Variants in PARN observed in about 807,000 individuals in gnomAD.
PARN encodes poly(A)-specific ribonuclease PARN.
Under a neutral mutation model 102.8 loss-of-function variants are expected in PARN, and 71 were observed. The observed-to-expected ratio is 0.69, with a 90% CI of 0.57 to 0.84. PARN has a LOEUF of 0.84. PARN is among the 40% of genes least tolerant of loss of function. The probability of loss-of-function intolerance (pLI) is 0.00; values close to 1 mark genes in which losing one functional copy is unlikely to be tolerated. For missense variants in PARN, 782 were observed against 760.9 expected (o/e 1.03, Z -0.33); for synonymous variants, 261 against 252.9 (o/e 1.03, Z -0.30).
chr16:14,476,500 G>C (rs1028471823), intron 22 of PARN, among the ~76,000 whole-genome samples: 1 of 152,138 alleles, frequency 6.6e-6, no homozygotes, highest in Non-Finnish European at 1.5e-5. Flanking sequence ...ACCCACCTTT[G>C]CCATGGTAAC....
At chr16:14,509,030 TAA>T (rs1200321470) in intron 21 of PARN, among the ~76,000 whole-genome samples, 1 of 151,910 alleles carries the variant, frequency 6.6e-6, no homozygotes, top group Non-Finnish European at 1.5e-5. Context: ...TATAAATAAA[TAA>T]AATTATTCTG....
At chr16:14,600,260 G>T (rs1162950689) in intron 11 of PARN, among the ~76,000 whole-genome samples, 1 of 152,118 alleles carries the variant, frequency 6.6e-6, no homozygotes, top group Non-Finnish European at 1.5e-5. Context: ...AGTCTTTCAA[G>T]GTGTCTTAAA....
chr16:14,543,717 CAG>C (rs1157864583), intron 21 of PARN, among the ~76,000 whole-genome samples: 1 of 152,064 alleles, frequency 6.6e-6, no homozygotes, highest in African/African-American at 2.4e-5. Flanking sequence ...GAAATTAAAA[CAG>C]AATTCTTTTT....
chr16:14,536,610 A>G (rs1035427623), intron 21 of PARN, among the ~76,000 whole-genome samples: 3 of 152,200 alleles, frequency 2.0e-5, no homozygotes, highest in Non-Finnish European at 4.4e-5. Flanking sequence ...CTATATACAC[A>G]ATTGAAAGGT....
intron 18 of PARN, among the ~76,000 whole-genome samples, chr16:14,558,875 G>A (rs970445139): frequency 2.6e-5 from 4 of 151,894 alleles, no homozygotes; most frequent in East Asian, 1.9e-4. Context: ...TTCCTTTTAC[G>A]ATCATTTTTT....
chr16:14,554,931 T>C (rs1284269323), intron 19 of PARN, among the ~76,000 whole-genome samples: 1 of 152,174 alleles, frequency 6.6e-6, no homozygotes, highest in Admixed American at 6.6e-5. Flanking sequence ...ACCTAGAACT[T>C]ATTTGTGCAG....
intron 21 of PARN, among the ~76,000 whole-genome samples, chr16:14,529,953 A>C (rs1966231146): frequency 6.6e-6 from 1 of 151,356 alleles, no homozygotes; most frequent in Non-Finnish European, 1.5e-5. Context: ...GAGGCCTCTG[A>C]ACTCTAAACG....
intron 21 of PARN, among the ~76,000 whole-genome samples, chr16:14,483,711 A>G (rs1178393764): frequency 6.6e-6 from 1 of 151,862 alleles, no homozygotes; most frequent in Non-Finnish European, 1.5e-5. Context: ...GGCGCCTCAG[A>G]TGTGTAGTAC....
At chr16:14,532,943 C>T (rs573800844) in intron 21 of PARN, among the ~76,000 whole-genome samples, 1 of 152,188 alleles carries the variant, frequency 6.6e-6, no homozygotes, top group South Asian at 2.1e-4. Flanking sequence ...GGCAGAGGGG[C>T]TCCTCACGTC....
At chr16:14,483,270 G>A (rs564247207) in intron 21 of PARN, among the ~76,000 whole-genome samples, 11 of 152,256 alleles carry the variant, frequency 7.2e-5, no homozygotes, top group South Asian at 2.1e-4. Context: ...CAGTGGTGGC[G>A]ATTACTGTGT....
chr16:14,572,340 TTTTC>T (rs1968863656), intron 18 of PARN, among the ~76,000 whole-genome samples: 1 of 151,890 alleles, frequency 6.6e-6, no homozygotes. Context: ...GGAAGAAATC[TTTTC>T]TTTTTTTTTT....
Position 14,445,819 on chromosome 16 carries a change from C to A in PARN, c.1864+1069G>T, listed in dbSNP as rs1402131708. On this transcript the variant is annotated intron_variant, in intron 23 of 23. Transcript: ENST00000437198. ...CCTCAAGTGATCCACCCGTCTTGGC[C>A]TCCCAAAGTGCTCGGATTACAGGCG... Among the ~76,000 whole-genome samples the A allele has an allele frequency of 5.3e-5, 8 of 152,340 alleles. No homozygotes were observed. In the East Asian group the frequency reaches 1.2e-3, roughly 22 times the overall value.
At chr16:14,442,698 ACCT>A (rs2151551618) in intron 23 of PARN, among the ~76,000 whole-genome samples, 1 of 152,158 alleles carries the variant, frequency 6.6e-6, no homozygotes, top group East Asian at 1.9e-4. Flanking sequence ...GCTCACTGCA[ACCT>A]CAGCCTCCTG....
At chr16:14,461,242 AATATGGT>A (rs1961950449) in intron 22 of PARN, among the ~76,000 whole-genome samples, 1 of 152,226 alleles carries the variant, frequency 6.6e-6, no homozygotes, top group South Asian at 2.1e-4. Flanking sequence ...GGCCAAATAT[AATATGGT>A]ATCCTAGATG....
At chr16:14,483,272 T>G (rs1246482190) in intron 21 of PARN, among the ~76,000 whole-genome samples, 1 of 152,220 alleles carries the variant, frequency 6.6e-6, no homozygotes, top group Non-Finnish European at 1.5e-5. Context: ...GTGGTGGCGA[T>G]TACTGTGTCA....
intron 21 of PARN, among the ~76,000 whole-genome samples, chr16:14,513,692 C>T (rs1965316107): frequency 6.6e-6 from 1 of 152,106 alleles, no homozygotes; most frequent in Non-Finnish European, 1.5e-5. Context: ...TGTGGCTGAG[C>T]CTTTAGAAAA....
At chr16:14,446,249 G>T (rs1461102366) in intron 23 of PARN, among the ~76,000 whole-genome samples, 3 of 152,204 alleles carry the variant, frequency 2.0e-5, no homozygotes, top group Non-Finnish European at 4.4e-5. Context: ...GCAGACCTGG[G>T]TCTGCCTTTC....
intron 2 of PARN, among the ~76,000 whole-genome samples, 198 bp from the exon 3 acceptor site, chr16:14,628,449 G>C (rs146662985): frequency 3.3e-5 from 5 of 152,094 alleles, no homozygotes; most frequent in Non-Finnish European, 7.4e-5. Flanking sequence ...TTAGAGATGC[G>C]AATGTTTCAA....
chr16:14,452,674 T>G (rs149650490), intron 22 of PARN, among the ~76,000 whole-genome samples: 26 of 152,330 alleles, frequency 1.7e-4, no homozygotes, highest in African/African-American at 6.3e-4. Flanking sequence ...GTATTTCTGC[T>G]CTCAAGTAAG....
Sources: allele counts gnomAD v4.1 joint callset (sites outside exome capture counted in the v4.1 genomes callset), GRCh38; gene constraint gnomAD v4.1.1; transcripts MANE v1.5; gene names NCBI Gene and HGNC (gene_info 2026-07-23, HGNC 2026-07-21).